Variants in FRY observed in about 807,000 individuals in gnomAD.
FRY encodes the protein FRY microtubule binding protein, also known as protein furry homolog.
Under a neutral mutation model 348.4 loss-of-function variants are expected in FRY, and 128 were observed. The ratio of observed to expected loss-of-function variants is 0.37; its 90% CI spans 0.32 to 0.43. The LOEUF is 0.43. Among genes scored for constraint, FRY ranks in the 20% least tolerant of loss-of-function variants. The pLI, the probability that FRY is intolerant of heterozygous loss-of-function variation, is 1.00. For missense variants in FRY, 2,736 were observed against 3,695.2 expected (o/e 0.74, Z 6.73); for synonymous variants, 1,370 against 1,374.7 (o/e 1.00, Z 0.08).
At chr13:32,186,966 T>G (rs1420241538) in intron 27 of FRY, among the ~76,000 whole-genome samples, 1 of 152,166 alleles carries the variant, frequency 6.6e-6, no homozygotes, top group Admixed American at 6.6e-5. Flanking sequence ...CAGTTGGACC[T>G]GCCAATTGCA....
At chr13:32,199,666 C>T (rs1394266384) in intron 29 of FRY, among the ~76,000 whole-genome samples, 3 of 152,196 alleles carry the variant, frequency 2.0e-5, no homozygotes, top group Admixed American at 1.3e-4. Context: ...GAACCATCTT[C>T]AGGGCGGACC....
At chr13:32,173,713 A>T (rs1271173248) in intron 19 of FRY, among the ~76,000 whole-genome samples, 164 bp downstream of exon 19, 1 of 152,206 alleles carries the variant, frequency 6.6e-6, no homozygotes, top group East Asian at 1.9e-4. Context: ...TTCTTGATCT[A>T]CTAGATGTAA....
intron 2 of FRY, among the ~76,000 whole-genome samples, chr13:32,099,805 C>G (rs529188827): frequency 6.6e-6 from 1 of 151,054 alleles, no homozygotes; most frequent in South Asian, 2.1e-4. Context: ...CTGAATTAAA[C>G]TCTTTGAATT....
At chr13:32,160,193 T>C (rs1416975501) in intron 16 of FRY, among the ~76,000 whole-genome samples, 1 of 152,214 alleles carries the variant, frequency 6.6e-6, no homozygotes, top group Non-Finnish European at 1.5e-5. Flanking sequence ...TGACTACAGT[T>C]ACTGTTCCAA....
rs533899673 is a variant in FRY, at chr13:32,129,878, G to A, written c.717-1794G>A. On this transcript the variant is annotated intron_variant, in intron 7 of 60. Transcript: ENST00000542859. ...TGCCAGCACTTGAGAATCCCCTCAC[G>A]CCCCACTTGCCAACCACCAGCCCCT... Among the ~76,000 whole-genome samples the A allele has an allele frequency of 6.6e-5, 10 of 152,040 alleles. No homozygotes were observed. The East Asian group carries it at 9.7e-4, about 15-fold the overall frequency.
chr13:32,176,011 C>T (rs888777147), intron 20 of FRY, among the ~76,000 whole-genome samples: 13 of 152,096 alleles, frequency 8.5e-5, no homozygotes, highest in African/African-American at 2.7e-4. Flanking sequence ...AGTGCTTTCA[C>T]ATTTATTATT....
At chr13:32,294,293 C>T in intron 59 of FRY, 75 bp from the exon 60 acceptor site, 1 of 1,004,728 alleles carries the variant, frequency 1.0e-6, no homozygotes, top group Non-Finnish European at 1.5e-6. Context: ...CCATAAGATC[C>T]TTTTTTTTTC....
In FRY at chr13:32,291,359, T is replaced by C. The variant is rs1013517310; in HGVS notation, c.8580+1616T>C. ...AATAGGAATCAACTCTTTTCTTTTT[T>C]ATTTGCCACATGGTCAAGATAAACT... On this transcript the variant is annotated intron_variant, in intron 59 of 60. Coordinates refer to ENST00000542859, the MANE Select transcript of FRY (RefSeq NM_023037.3). 2.0e-5 allele frequency among the ~76,000 whole-genome samples: 3 copies of C among 152,150 alleles called. No individual in the cohort carries two copies. The South Asian group carries it at 6.2e-4, about 31-fold the overall frequency.
At chr13:32,201,427 C>G (rs1030387936) in intron 29 of FRY, among the ~76,000 whole-genome samples, 1 of 152,232 alleles carries the variant, frequency 6.6e-6, no homozygotes, top group Non-Finnish European at 1.5e-5. Flanking sequence ...GTCTCCATGA[C>G]TAAACTGTAA....
intron 40 of FRY, among the ~76,000 whole-genome samples, chr13:32,229,691 ATTC>A (rs1257639496): frequency 2.6e-5 from 4 of 152,174 alleles, no homozygotes; most frequent in African/African-American, 4.8e-5. Flanking sequence ...GCTCCATTCC[ATTC>A]TTACTGTTGA....
At chr13:32,225,641 T>G in intron 38 of FRY, 148 bp from the exon 39 acceptor site, 4 of 737,670 alleles carry the variant, frequency 5.4e-6, no homozygotes, top group Non-Finnish European at 7.3e-6. Flanking sequence ...TAAGCCCAAC[T>G]CCTGTATGTT....
At chr13:32,092,113 G>T (rs553766110) in intron 2 of FRY, among the ~76,000 whole-genome samples, 14 of 152,236 alleles carry the variant, frequency 9.2e-5, no homozygotes, top group East Asian at 5.8e-4. Context: ...TAACAAAACT[G>T]CACTTCTACC....
At chr13:32,133,574 T>A (rs1483040701) in intron 8 of FRY, among the ~76,000 whole-genome samples, 1 of 152,178 alleles carries the variant, frequency 6.6e-6, no homozygotes, top group Non-Finnish European at 1.5e-5. Context: ...GAAAGCTGTT[T>A]CAGTGACTTC....
intron 1 of FRY, among the ~76,000 whole-genome samples, chr13:32,053,680 C>T (rs542511787): frequency 6.6e-6 from 1 of 152,322 alleles, no homozygotes; most frequent in Non-Finnish European, 1.5e-5. Context: ...TAAGAGTCTT[C>T]CCTGAAGGAG....
chr13:32,204,662 G>A (rs1335144623), intron 31 of FRY, among the ~76,000 whole-genome samples: 2 of 152,138 alleles, frequency 1.3e-5, no homozygotes, highest in African/African-American at 4.8e-5. Flanking sequence ...CCTCAACTGT[G>A]CAGACCTCTC....
chr13:32,180,103 G>T (rs1457936185), intron 23 of FRY, among the ~76,000 whole-genome samples: 2 of 152,216 alleles, frequency 1.3e-5, no homozygotes, highest in African/African-American at 4.8e-5. Context: ...TGGCCAGACT[G>T]TTCAGAGGTT....
In FRY at chr13:32,247,337, A is replaced by T; in HGVS notation, c.6843A>T (p.Arg2281Ser). ...ATTTCCTGCAGAGTGTTCACTGGAG[A>T]GAAGCTCTGAATATCTTGAAGCTGG... Reference protein sequence around the residue: ...IEKYVQSVHWREALNILKLVV... With the variant: ...IEKYVQSVHWSEALNILKLVV... The change falls in exon 48 of 61, where the codon AGA (arginine) becomes AGT (serine). Residue 2281 changes from arginine to serine, a missense_variant. Arg to Ser is a moderately radical substitution (Grantham distance 110, BLOSUM62 -1). Around this residue, in one of 9 missense-constraint regions of FRY, gnomAD observed 789 missense variants for 996.2 expected, o/e 0.79. Transcript: ENST00000542859. 2.5e-6 allele frequency: 4 copies of T among 1,613,090 alleles called. No homozygotes were observed. The highest frequency in any genetic ancestry group is 3.4e-6 in the Non-Finnish European group (4 of 1,179,120).
rs114388521 is a variant in FRY, at chr13:32,089,260, A to G, written c.270+10227A>G. Among the ~76,000 whole-genome samples the G allele has an allele frequency of 1.2e-3, 187 of 152,306 alleles. 1 individual carries two copies. Among genetic ancestry groups the G allele is most frequent in the African/African-American group, 4.4e-3 (181 of 41,568 alleles). ...TATTTTTACTGTTGCTTACATACAT[A>G]TCTAGTATATTCTGACTTTTAAAAT... On this transcript the variant is annotated intron_variant, in intron 2 of 60. Transcript: ENST00000542859.
At chr13:32,053,184 T>G (rs1454660906) in intron 1 of FRY, among the ~76,000 whole-genome samples, 5 of 152,186 alleles carry the variant, frequency 3.3e-5, no homozygotes, top group African/African-American at 4.8e-5. Context: ...ATGTGGCTAA[T>G]AGCTACTGTA....
Sources: gnomAD v4.1 joint callset for allele counts (sites outside exome capture counted in the v4.1 genomes callset) on GRCh38, gnomAD v4.1.1 for gene constraint, gnomAD v4.1.1 regional missense constraint, MANE v1.5 for transcripts, NCBI Gene and HGNC (gene_info 2026-07-23, HGNC 2026-07-21) for gene names.